Variants in VRK3 observed in about 807,000 individuals in gnomAD.
VRK3 encodes serine/threonine-protein kinase VRK3.
Under a neutral mutation model 60.4 loss-of-function variants are expected in VRK3, and 50 were observed. That is an observed-to-expected ratio of 0.83 (90% confidence interval 0.66 to 1.05). VRK3 has a LOEUF of 1.05. Ranked by LOEUF, VRK3 falls within the 50% of genes least tolerant of loss-of-function variation. VRK3 has a pLI of 0.00. For synonymous variants in VRK3, 246 were observed against 227.8 expected (o/e 1.08, Z -0.72); for missense variants, 549 against 585.3 (o/e 0.94, Z 0.64).
rs372804012 is a variant in VRK3, at chr19:49,980,998, C to T, written c.1233G>A (p.Pro411=). The T allele has an allele frequency of 1.2e-5, 19 of 1,612,252 alleles. No homozygotes were observed. The highest frequency in any genetic ancestry group is 9.4e-5 in the African/African-American group (7 of 74,856). Residue 411 remains proline (P), a synonymous_variant, in exon 13 of 15, where the codon CCG becomes CCA. Transcript: ENST00000316763. ...GACCGCAGGGTCCCACGAAGGGCCC[C>T]GGCTTATCAACAAACCTGAAGGGAC... ...MKQKQKFVDK[P]GPFVGPCGHW...
intron 9 of VRK3, among the ~76,000 whole-genome samples, chr19:49,993,884 C>A (rs1457550900): frequency 6.6e-6 from 1 of 152,106 alleles, no homozygotes; most frequent in African/African-American, 2.4e-5. Context: ...CACTCAGATT[C>A]TTCTCCCCAT....
intron 7 of VRK3, 69 bp downstream of exon 7, chr19:49,997,435 A>G: frequency 1.3e-6 from 2 of 1,551,020 alleles, no homozygotes; most frequent in East Asian, 4.5e-5. Flanking sequence ...TGCAGGTAGA[A>G]GTCAAGTGCT....
chr19:50,010,077 T>C (rs944925914), intron 3 of VRK3, among the ~76,000 whole-genome samples: 13 of 150,578 alleles, frequency 8.6e-5, no homozygotes, highest in African/African-American at 5.0e-5. Flanking sequence ...CACACACATA[T>C]ACACACATAC....
At chr19:49,986,629 A>G (rs1257804014) in intron 12 of VRK3, 1 of 152,334 alleles carries the variant, frequency 6.6e-6, no homozygotes, top group Non-Finnish European at 1.5e-5. Flanking sequence ...ACACGAAGGG[A>G]GTAAAATAAA....
chr19:50,003,200 C>T (rs896725281), intron 5 of VRK3, among the ~76,000 whole-genome samples: 1 of 152,184 alleles, frequency 6.6e-6, no homozygotes, highest in African/African-American at 2.4e-5. Context: ...CCAGGCCCTG[C>T]TGGGGACCCT....
intron 3 of VRK3, 182 bp downstream of exon 3, chr19:50,015,842 C>A (rs767980733): frequency 1.3e-6 from 1 of 744,436 alleles, no homozygotes; most frequent in South Asian, 1.8e-5. Context: ...GTGTTCAAAG[C>A]CATGAGGCCA....
At chr19:49,986,487 T>C (rs1387338186) in intron 12 of VRK3, 1 of 153,106 alleles carries the variant, frequency 6.5e-6, no homozygotes, top group East Asian at 1.9e-4. Flanking sequence ...GGAACATCAC[T>C]TACGCAAATC....
In VRK3 at chr19:49,997,512, G is replaced by T. The variant is rs916253490; in HGVS notation, c.671C>A (p.Pro224His). ...AGTTCCCTGTCAGGTACCTTGCAGA[G>T]GCTTGGCGGCCCGCTGGAAGAAGTT... Reference protein sequence around the residue: ...EQNFFQRAAKPLQVNKWKKLY... With the variant: ...EQNFFQRAAKHLQVNKWKKLY... The change falls in exon 7 of 15, where the codon CCT (proline) becomes CAT (histidine). Residue 224 changes from proline (P) to histidine (H), a missense_variant. Transcript: ENST00000316763. 5.6e-6 allele frequency: 9 copies of T among 1,613,840 alleles called. No individual in the cohort carries two copies. Among genetic ancestry groups the T allele is most frequent in the Non-Finnish European group, 7.6e-6 (9 of 1,179,934 alleles).
At chr19:50,009,883 G>A (rs59977614) in intron 3 of VRK3, among the ~76,000 whole-genome samples, 1 of 151,926 alleles carries the variant, frequency 6.6e-6, no homozygotes, top group East Asian at 1.9e-4. Context: ...TCAAGTGATC[G>A]GCCAGCCTCA....
intron 4 of VRK3, among the ~76,000 whole-genome samples, chr19:50,008,127 A>C (rs2076930858): frequency 6.6e-6 from 1 of 152,184 alleles, no homozygotes; most frequent in South Asian, 2.1e-4. Context: ...AAAGAGAAAG[A>C]GATCCTGCCT....
intron 1 of VRK3, among the ~76,000 whole-genome samples, chr19:50,021,177 TCAC>T (rs1421313042): frequency 1.3e-5 from 2 of 152,228 alleles, no homozygotes; most frequent in African/African-American, 4.8e-5. Context: ...TCCAGAATTA[TCAC>T]CACTTCATAG....
chr19:49,992,210 C>T (rs888657683), intron 10 of VRK3, among the ~76,000 whole-genome samples: 6 of 152,144 alleles, frequency 3.9e-5, no homozygotes, highest in African/African-American at 9.7e-5. Context: ...GAGTTCGAGG[C>T]CAGCCTGACC....
At chr19:50,007,887 A>G (rs2122438674) in intron 4 of VRK3, 61 bp from the exon 5 acceptor site, 1 of 1,600,384 alleles carries the variant, frequency 6.2e-7, no homozygotes, top group Non-Finnish European at 8.5e-7. Flanking sequence ...TTAGATGGGG[A>G]GTGAAACAGC....
chr19:50,009,254 A>C lies in VRK3; in HGVS notation c.271T>G (p.Ser91Ala), dbSNP rs750843629. Residue 91 changes from serine to alanine, a missense_variant, in exon 4 of 15, where the codon TCC becomes GCC. Physicochemically the swap from Ser to Ala is moderately conservative, Grantham distance 99. Coordinates refer to ENST00000316763, the MANE Select transcript of VRK3 (RefSeq NM_016440.4). ...CTCTTACCTTTGGATCTCTCAGAGGAACTCAGAGTATCTTCAGACTCAGAA... is the reference window on the plus strand; with the variant it reads ...CTCTTACCTTTGGATCTCTCAGAGGCACTCAGAGTATCTTCAGACTCAGAA... ...DSSESEDTLS[S>A]SERSKGSGSR... The C allele has an allele frequency of 6.2e-7, 1 of 1,613,964 alleles. No homozygotes were observed. The highest frequency in any genetic ancestry group is 1.3e-5 in the African/African-American group (1 of 74,906).
At chr19:50,013,360 T>C (rs2077025959) in intron 3 of VRK3, among the ~76,000 whole-genome samples, 1 of 152,186 alleles carries the variant, frequency 6.6e-6, no homozygotes, top group Admixed American at 6.5e-5. Flanking sequence ...TAGGGCATCA[T>C]GGGGACACCA....
chr19:50,023,118 C>T (rs1219588539), intron 1 of VRK3, among the ~76,000 whole-genome samples: 2 of 152,244 alleles, frequency 1.3e-5, no homozygotes, highest in Non-Finnish European at 2.9e-5. Context: ...TTCCTCATCA[C>T]ATTCTTTAGC....
chr19:49,977,717 C>T (rs894082962), intron 14 of VRK3, among the ~76,000 whole-genome samples: 2 of 152,070 alleles, frequency 1.3e-5, no homozygotes, highest in Non-Finnish European at 2.9e-5. Flanking sequence ...GGGAGGACCC[C>T]GAGCTGTCTG....
At chr19:50,005,735 G>A (rs907157479) in intron 5 of VRK3, among the ~76,000 whole-genome samples, 9 of 149,700 alleles carry the variant, frequency 6.0e-5, no homozygotes, top group Non-Finnish European at 1.3e-4. Context: ...GATGCACCTT[G>A]AGCACACGCC....
chr19:50,000,450 G>A (rs1250530462), intron 6 of VRK3: 1 of 360,456 alleles, frequency 2.8e-6, no homozygotes, highest in Non-Finnish European at 5.2e-6. Context: ...CGAGCACGCT[G>A]CGAGGCCGGT....
Sources: gnomAD v4.1 joint callset for allele counts (sites outside exome capture counted in the v4.1 genomes callset) on GRCh38, gnomAD v4.1.1 for gene constraint, MANE v1.5 for transcripts, NCBI Gene and HGNC (gene_info 2026-07-23, HGNC 2026-07-21) for gene names.